The following KAZN variants were observed in gnomAD, a reference collection of about 807,000 sequenced individuals.
KAZN encodes kazrin.
Under a neutral mutation model 87.4 loss-of-function variants are expected in KAZN, and 40 were observed. That is an observed-to-expected ratio of 0.46 (90% CI 0.36 to 0.60). KAZN has a LOEUF of 0.60. KAZN is among the 20% of genes least tolerant of loss of function. KAZN has a pLI of 0.00. For missense variants in KAZN, 898 were observed against 1,073.9 expected, an observed-to-expected ratio of 0.84 and a Z score of 2.29; for synonymous variants, 466 against 458.3, an observed-to-expected ratio of 1.02 and a Z score of -0.22.
At chr1:14,205,494 TTG>T (rs1469416570) in intron 2 of KAZN, among the ~76,000 whole-genome samples, 3 of 152,168 alleles carry the variant, frequency 2.0e-5, no homozygotes, top group African/African-American at 7.2e-5. Context: ...ATTTAATTTA[TTG>T]TAAAGATTTT....
intron 1 of KAZN, among the ~76,000 whole-genome samples, chr1:14,149,600 TCAC>T (rs971201774): frequency 1.3e-5 from 2 of 151,936 alleles, no homozygotes; most frequent in African/African-American, 4.8e-5. Context: ...TTTTCATCGG[TCAC>T]CACTACGTCA....
chr1:14,938,826 C>T (rs1481530796), intron 1 of KAZN, among the ~76,000 whole-genome samples: 1 of 152,146 alleles, frequency 6.6e-6, no homozygotes. Flanking sequence ...GTTTCCACCT[C>T]TTGTAAAATG....
At chr1:14,370,021 C>T (rs1660342549) in intron 2 of KAZN, among the ~76,000 whole-genome samples, 1 of 152,178 alleles carries the variant, frequency 6.6e-6, no homozygotes, top group Admixed American at 6.5e-5. Flanking sequence ...CATGAGAGGC[C>T]TTTTGGCCCC....
chr1:14,850,501 GT>G (rs1481089501), intron 1 of KAZN, among the ~76,000 whole-genome samples: 3 of 152,158 alleles, frequency 2.0e-5, no homozygotes, highest in African/African-American at 7.2e-5. Flanking sequence ...GCTTAGAGAG[GT>G]TAAGCAACTT....
chr1:14,262,851 T>G (rs1651186944), intron 2 of KAZN, among the ~76,000 whole-genome samples: 1 of 152,184 alleles, frequency 6.6e-6, no homozygotes, highest in South Asian at 2.1e-4. Context: ...TAGCTAGAAC[T>G]GAGAATAGCT....
intron 1 of KAZN, among the ~76,000 whole-genome samples, chr1:14,936,293 A>C: frequency 6.6e-6 from 1 of 152,094 alleles, no homozygotes; most frequent in East Asian, 1.9e-4. Flanking sequence ...TGCTTCACTC[A>C]CTCTGAGGCA....
chr1:14,659,870 T>C (rs1457742483), intron 1 of KAZN, among the ~76,000 whole-genome samples: 47 of 146,794 alleles, frequency 3.2e-4, no homozygotes, highest in Non-Finnish European at 1.5e-5. Flanking sequence ...TTCAAAACAA[T>C]ACACATTCTT....
intron 1 of KAZN, among the ~76,000 whole-genome samples, chr1:14,043,197 TTAACA>T (rs1459120836): frequency 8.5e-5 from 13 of 152,232 alleles, no homozygotes; most frequent in Admixed American, 5.2e-4. Context: ...CTTATTTCAC[TTAACA>T]TAACGTCTTT....
At position 14,432,448 on chromosome 1, in the gene KAZN, G is replaced by A. The variant is rs568805954; in HGVS notation, c.250-166535G>A. 1.4e-4 allele frequency among the ~76,000 whole-genome samples: 22 copies of A among 152,294 alleles called. No homozygotes were observed. The South Asian group carries it at 4.4e-3, about 30-fold the overall frequency. On this transcript the variant is annotated intron_variant, in intron 2 of 16. Coordinates refer to the KAZN transcript ENST00000636203. Reference sequence around the variant, plus strand: ...TGTCTGCTCCAAGCAACACTGGCACGGTTTCCCTTTGGCAGACAGATATAT... The same window carrying A: ...TGTCTGCTCCAAGCAACACTGGCACAGTTTCCCTTTGGCAGACAGATATAT...
chr1:14,723,970 G>A (rs145012944), intron 1 of KAZN, among the ~76,000 whole-genome samples: 204 of 152,258 alleles, frequency 1.3e-3, no homozygotes, highest in African/African-American at 4.6e-3. Context: ...GACGTCCACC[G>A]AATATGGCAG....
At chr1:14,272,916 C>T (rs1443955908) in intron 2 of KAZN, among the ~76,000 whole-genome samples, 1 of 151,968 alleles carries the variant, frequency 6.6e-6, no homozygotes, top group African/African-American at 2.4e-5. Context: ...ATTGTGAATT[C>T]AGTCAGATTC....
At position 15,077,993 on chromosome 1, in the gene KAZN, T is replaced by G. The variant is rs895576509; in HGVS notation, c.1222+12240T>G. 6.6e-6 allele frequency among the ~76,000 whole-genome samples: 1 copy of G among 152,184 alleles called. No homozygotes were observed. The highest frequency in any genetic ancestry group is 1.5e-5 in the Non-Finnish European group (1 of 68,040). ...GTTTCCTATATGCCAGGTTTAGGGC[T>G]TAGGGCTGAGGATGCAGATGTGGAT... is the stretch of plus-strand genomic sequence containing the variant. On this transcript the variant is annotated intron_variant, in intron 8 of 14. Coordinates refer to ENST00000376030, the MANE Select transcript of KAZN (RefSeq NM_201628.3). This position sits in a 1 kb window ranked among gnomAD's most constrained non-coding sequence, Gnocchi z 4.8.
chr1:14,339,350 T>C (rs1022830201), intron 2 of KAZN, among the ~76,000 whole-genome samples: 20 of 152,234 alleles, frequency 1.3e-4, no homozygotes, highest in Non-Finnish European at 1.2e-4. Context: ...ATCTCTCCTA[T>C]GTATTAGGCA....
chr1:13,929,646 G>A (rs1261891827), intron 1 of KAZN, among the ~76,000 whole-genome samples: 4 of 152,166 alleles, frequency 2.6e-5, no homozygotes, highest in Non-Finnish European at 4.4e-5. Flanking sequence ...GATAAAATAT[G>A]TGAACTAATT....
At chr1:14,902,464 G>A (rs1317211414) in intron 1 of KAZN, among the ~76,000 whole-genome samples, 1 of 152,148 alleles carries the variant, frequency 6.6e-6, no homozygotes, top group East Asian at 1.9e-4. Flanking sequence ...TCCTGACCTC[G>A]TGATCCACCT....
chr1:14,170,524 G>T (rs1645931380), intron 1 of KAZN, among the ~76,000 whole-genome samples: 1 of 152,104 alleles, frequency 6.6e-6, no homozygotes, highest in African/African-American at 2.4e-5. Context: ...AAAAAAAATT[G>T]CGGTAAAATG....
chr1:14,400,029 G>A (rs936068235), intron 2 of KAZN, among the ~76,000 whole-genome samples: 10 of 151,946 alleles, frequency 6.6e-5, no homozygotes, highest in Admixed American at 6.6e-4. Flanking sequence ...TCCAGTCAGG[G>A]GTTAATGCCC....
intron 2 of KAZN, among the ~76,000 whole-genome samples, chr1:14,571,769 C>T (rs1275745912): frequency 6.6e-6 from 1 of 152,148 alleles, no homozygotes; most frequent in African/African-American, 2.4e-5. Flanking sequence ...AGAGATTTAC[C>T]CTTCATCAAA....
chr1:14,397,881 A>G (rs1276858909), intron 2 of KAZN, among the ~76,000 whole-genome samples: 1 of 151,618 alleles, frequency 6.6e-6, no homozygotes, highest in East Asian at 1.9e-4. Context: ...AAAAAAAAAA[A>G]AGGCAGAAGG....
Sources: allele counts gnomAD v4.1 joint callset (sites outside exome capture counted in the v4.1 genomes callset), GRCh38; gene constraint gnomAD v4.1.1; non-coding constraint Gnocchi (gnomAD v3.1); transcripts MANE v1.5; gene names NCBI Gene and HGNC (gene_info 2026-07-23, HGNC 2026-07-21).